The following SYN3 variants were observed in gnomAD, a reference collection of about 807,000 sequenced individuals.
The protein encoded by SYN3 is synapsin III.
A neutral mutation model predicts 65.8 loss-of-function variants in SYN3; 35 were observed. That is an observed-to-expected ratio of 0.53 (90% CI 0.41 to 0.70). The LOEUF (loss-of-function observed/expected upper bound fraction) is 0.70. SYN3 is among the 30% of genes least tolerant of loss of function. The probability of loss-of-function intolerance (pLI) is 0.00; values close to 1 mark genes in which losing one functional copy is unlikely to be tolerated. For missense variants in SYN3, 680 were observed against 749.0 expected, an observed-to-expected ratio of 0.91 and a Z score of 1.08; for synonymous variants, 270 against 292.9, an observed-to-expected ratio of 0.92 and a Z score of 0.80.
At chr22:32,558,875 G>A (rs1215980966) in intron 7 of SYN3, among the ~76,000 whole-genome samples, 9 of 152,298 alleles carry the variant, frequency 5.9e-5, no homozygotes, top group Admixed American at 1.3e-4. Flanking sequence ...TGAGTCACCC[G>A]CCCCACCTCT....
chr22:32,664,711 C>T (rs984106797), intron 6 of SYN3, among the ~76,000 whole-genome samples: 11 of 150,524 alleles, frequency 7.3e-5, no homozygotes, highest in African/African-American at 2.2e-4. Flanking sequence ...CTGCCTCAGC[C>T]TCCCTTGTAG....
chr22:32,518,048 A>G lies in SYN3; in HGVS notation c.1605T>C (p.His535=). The G allele has an allele frequency of 6.6e-7, 1 of 1,517,230 alleles. No individual in the cohort carries two copies. Among genetic ancestry groups the G allele is most frequent in the Non-Finnish European group, 8.8e-7 (1 of 1,134,888 alleles). The allele number at this position is 1,517,230 out of a possible 1,614,324, so 94.0% of individuals were successfully genotyped here. Residue 535 remains histidine (H), a synonymous_variant, in exon 13 of 14, where the codon CAT becomes CAC. Transcript: ENST00000358763. The part of the protein sequence containing the change: ...ESKKPAPPHP[H]LNKSQSLTNS... ...CCAATTCCCAAAGCACTTACTTGAG[A>G]TGCGGATGGGGTGGTGCTGGCTTCT...
intron 6 of SYN3, among the ~76,000 whole-genome samples, chr22:32,767,670 A>G (rs2045662582): frequency 6.6e-6 from 1 of 152,206 alleles, no homozygotes; most frequent in Admixed American, 6.5e-5. Flanking sequence ...GTAATCCGGT[A>G]TCAGCTTTCT....
intron 6 of SYN3, among the ~76,000 whole-genome samples, chr22:32,636,194 G>A (rs112780404): frequency 0.091 from 13,745 of 151,790 alleles, 1,413 homozygotes; most frequent in African/African-American, 0.25. Flanking sequence ...AAGGTCAGGA[G>A]ATTGAGACCA....
rs111308299 is a variant in SYN3, at chr22:32,510,984, CGTGTGTGTGTGTGTGT to C, written c.*2692_*2707del. Among the ~76,000 whole-genome samples, 24 of 142,928 alleles carry C rather than the reference CGTGTGTGTGTGTGTGT, an allele frequency of 1.7e-4. No individual in the cohort carries two copies. Among genetic ancestry groups the C allele is most frequent in the Non-Finnish European group, 3.1e-4 (20 of 64,360 alleles). The allele number at this position is 142,928 out of a possible 152,430, so 93.8% of individuals were successfully genotyped here. A position where few individuals can be genotyped will look rare whatever the true frequency, so the allele number is the denominator to read the frequency against. On this transcript the variant is annotated 3_prime_UTR_variant, in exon 14 of 14. Coordinates refer to ENST00000358763, the MANE Select transcript of SYN3 (RefSeq NM_003490.4). ...TGTCAATTCCAAGTTATTGTCCAGG[CGTGTGTGTGTGTGTGT>C]GTGTGTGTGTGTGTGTAAGGGGACT...
intron 7 of SYN3, among the ~76,000 whole-genome samples, chr22:32,554,981 A>C (rs1254747376): frequency 6.6e-6 from 1 of 152,224 alleles, no homozygotes; most frequent in Non-Finnish European, 1.5e-5. Context: ...AATGCACTAA[A>C]AGAGCACCTG....
chr22:32,726,291 C>T (rs540627144), intron 6 of SYN3, among the ~76,000 whole-genome samples: 4 of 152,270 alleles, frequency 2.6e-5, no homozygotes, highest in South Asian at 2.1e-4. Flanking sequence ...TATAGGCATA[C>T]GCCACCACGC....
chr22:33,032,305 C>T (rs991680020), intron 1 of SYN3, among the ~76,000 whole-genome samples: 2 of 151,288 alleles, frequency 1.3e-5, no homozygotes, highest in African/African-American at 4.9e-5. Flanking sequence ...GTCAGGTGTT[C>T]GAGACCAGCC....
At chr22:32,699,724 TTC>T (rs1467483920) in intron 6 of SYN3, among the ~76,000 whole-genome samples, 4 of 152,162 alleles carry the variant, frequency 2.6e-5, no homozygotes, top group Non-Finnish European at 5.9e-5. Context: ...CAAAGTAAGA[TTC>T]TGTTTTTCAT....
chr22:32,876,485 G>A lies in SYN3; in HGVS notation c.462-7360C>T, dbSNP rs79068903. Among the ~76,000 whole-genome samples, 1,187 of 152,102 alleles carry A rather than the reference G, an allele frequency of 7.8e-3. 14 individuals carry two copies. Among genetic ancestry groups the A allele is most frequent in the African/African-American group, 0.027 (1,109 of 41,480 alleles). Reference sequence around the variant, plus strand: ...AGTAAGTCAACAAATTGATAAACGCGTGGAGATTTGTTCGGATGGATGTTC... The same window carrying A: ...AGTAAGTCAACAAATTGATAAACGCATGGAGATTTGTTCGGATGGATGTTC... On this transcript the variant is annotated intron_variant, in intron 4 of 13. Coordinates refer to ENST00000358763, the MANE Select transcript of SYN3 (RefSeq NM_003490.4).
At chr22:32,622,817 T>C (rs1323511120) in intron 6 of SYN3, among the ~76,000 whole-genome samples, 1 of 151,670 alleles carries the variant, frequency 6.6e-6, no homozygotes, top group East Asian at 1.9e-4. Flanking sequence ...TAAAGGGGGC[T>C]GAGACACTCT....
At chr22:32,833,682 C>T (rs989843306) in intron 6 of SYN3, among the ~76,000 whole-genome samples, 2 of 152,176 alleles carry the variant, frequency 1.3e-5, no homozygotes, top group Non-Finnish European at 2.9e-5. Flanking sequence ...ATTCAGGCTG[C>T]CTGGACTGGC....
intron 1 of SYN3, among the ~76,000 whole-genome samples, chr22:33,027,602 A>C (rs2053659725): frequency 6.7e-6 from 1 of 149,468 alleles, no homozygotes; most frequent in South Asian, 2.1e-4. Flanking sequence ...GAAAAAAGAA[A>C]GAAAGAGAGA....
chr22:32,650,252 TCCCTCC>T (rs2060047249), intron 6 of SYN3, among the ~76,000 whole-genome samples: 1 of 41,448 alleles, frequency 2.4e-5, no homozygotes, highest in Non-Finnish European at 4.0e-5. Context: ...CCTCCCTCCC[TCCCTCC>T]CTCTCTCTCT....
chr22:32,636,521 G>A (rs2059819701), intron 6 of SYN3, among the ~76,000 whole-genome samples: 1 of 152,158 alleles, frequency 6.6e-6, no homozygotes, highest in Non-Finnish European at 1.5e-5. Flanking sequence ...CTGTCCCCAT[G>A]ACGGGCCATT....
intron 3 of SYN3, among the ~76,000 whole-genome samples, chr22:32,937,361 G>T (rs2050802244): frequency 6.6e-6 from 1 of 152,190 alleles, no homozygotes; most frequent in South Asian, 2.1e-4. Context: ...TTAGACACTT[G>T]TATCAGTCTG....
At chr22:32,872,936 C>CTTTTTTTTTTTTT (rs35506480) in intron 4 of SYN3, among the ~76,000 whole-genome samples, 1 of 115,202 alleles carries the variant, frequency 8.7e-6, no homozygotes, top group Non-Finnish European at 1.7e-5. Flanking sequence ...GCCCTAAGCA[C>CTTTTTTTTTTTTT]TTTTTTTTTT....
In SYN3 at chr22:32,980,565, G is replaced by C. The variant is rs377110555; in HGVS notation, c.369+80C>G. The C allele has an allele frequency of 2.8e-5, 36 of 1,298,924 alleles. No homozygotes were observed. In the East Asian group the frequency reaches 7.2e-4, roughly 26 times the overall value. The allele number at this position is 1,298,924 out of a possible 1,614,324, so 80.5% of individuals were successfully genotyped here. A position where few individuals can be genotyped will look rare whatever the true frequency, so the allele number is the denominator to read the frequency against. Reference sequence around the variant, plus strand: ...TGGCTCATTATGACCACATAAGATGGGGACCAAGATTGCATGTAAGAACAG... The same window carrying C: ...TGGCTCATTATGACCACATAAGATGCGGACCAAGATTGCATGTAAGAACAG... On this transcript the variant is annotated intron_variant, in intron 3 of 13. Transcript: ENST00000358763.
intron 6 of SYN3, among the ~76,000 whole-genome samples, chr22:32,759,225 G>A (rs534850871): frequency 1.3e-5 from 2 of 152,196 alleles, no homozygotes; most frequent in East Asian, 3.9e-4. Context: ...CACATGAGGT[G>A]TTCAACAAAT....
Sources: allele counts gnomAD v4.1 joint callset (sites outside exome capture counted in the v4.1 genomes callset), GRCh38; gene constraint gnomAD v4.1.1; transcripts MANE v1.5; gene names NCBI Gene and HGNC (gene_info 2026-07-23, HGNC 2026-07-21).